CCDC7: variants seen among roughly 807,000 people sequenced by gnomAD.
The protein encoded by CCDC7 is coiled-coil domain-containing protein 7.
Under a neutral mutation model 196.9 loss-of-function variants are expected in CCDC7, and 183 were observed. That is an observed-to-expected ratio of 0.93 (90% CI 0.82 to 1.05). CCDC7 has a LOEUF of 1.05. Among genes scored for constraint, CCDC7 ranks in the 50% least tolerant of loss-of-function variants. The probability of loss-of-function intolerance (pLI) is 0.00; values close to 1 mark genes in which losing one functional copy is unlikely to be tolerated. For synonymous variants in CCDC7, 525 were observed against 484.6 expected, an observed-to-expected ratio of 1.08 and a Z score of -1.10; for missense variants, 1,540 against 1,482.2, an observed-to-expected ratio of 1.04 and a Z score of -0.64.
intron 33 of CCDC7, among the ~76,000 whole-genome samples, chr10:32,844,572 T>C (rs1478117022): frequency 6.6e-6 from 1 of 151,878 alleles, no homozygotes; most frequent in Non-Finnish European, 1.5e-5. Context: ...CCACAGTAGA[T>C]AGTGCTCTTG....
At chr10:32,765,245 G>A (rs35949115) in intron 28 of CCDC7, among the ~76,000 whole-genome samples, 16,015 of 151,766 alleles carry the variant, frequency 0.11, 1,047 homozygotes, top group South Asian at 0.25. Context: ...GGGTTACTAC[G>A]CAACATATAA....
intron 41 of CCDC7, among the ~76,000 whole-genome samples, chr10:32,854,901 T>C (rs2093691998): frequency 6.6e-6 from 1 of 151,494 alleles, no homozygotes; most frequent in Non-Finnish European, 1.5e-5. Context: ...TATATTTATG[T>C]CACAGTGATT....
intron 18 of CCDC7, among the ~76,000 whole-genome samples, chr10:32,598,481 G>A (rs905977784): frequency 4.6e-5 from 7 of 152,104 alleles, no homozygotes; most frequent in African/African-American, 9.7e-5. Context: ...GCCCTGCTCC[G>A]TGGGCTGCAC....
At chr10:32,712,734 T>C (rs1017913785) in intron 25 of CCDC7, among the ~76,000 whole-genome samples, 3 of 152,196 alleles carry the variant, frequency 2.0e-5, no homozygotes, top group Non-Finnish European at 4.4e-5. Flanking sequence ...GCTATGTCAA[T>C]TGGTACATAC....
At chr10:32,754,018 C>T (rs2076038775) in intron 28 of CCDC7, among the ~76,000 whole-genome samples, 1 of 151,388 alleles carries the variant, frequency 6.6e-6, no homozygotes, top group South Asian at 2.1e-4. Context: ...ATGAAATGTT[C>T]AATTAAAGTT....
intron 32 of CCDC7, 62 bp from the exon 34 acceptor site, chr10:32,834,753 G>A (rs1411970709): frequency 1.4e-6 from 1 of 694,646 alleles, no homozygotes; most frequent in East Asian, 2.8e-5. Context: ...CATACACACA[G>A]CACGGACATA....
upstream of CCDC7, among the ~76,000 whole-genome samples, chr10:32,451,241 T>C (rs2032985195): frequency 6.6e-6 from 1 of 152,196 alleles, no homozygotes; most frequent in Admixed American, 6.5e-5. Flanking sequence ...TGACTCTTGG[T>C]TAGTCACTTA....
chr10:32,517,128 A>T (rs1049173585), intron 9 of CCDC7, among the ~76,000 whole-genome samples: 3 of 152,202 alleles, frequency 2.0e-5, no homozygotes, highest in Non-Finnish European at 1.5e-5. Context: ...TAATTGGAAT[A>T]CAGCCATACG....
At chr10:32,653,673 G>GT (rs757062380) in intron 20 of CCDC7, among the ~76,000 whole-genome samples, 1 of 152,038 alleles carries the variant, frequency 6.6e-6, no homozygotes, top group African/African-American at 2.4e-5. Context: ...AATGGGTGAG[G>GT]TTTTTTCAGC....
intron 24 of CCDC7, among the ~76,000 whole-genome samples, chr10:32,698,869 C>T (rs1354049994): frequency 6.6e-6 from 1 of 152,080 alleles, no homozygotes; most frequent in Admixed American, 6.5e-5. Flanking sequence ...CAAAGTTACT[C>T]CTCGAGAAGA....
intron 9 of CCDC7, among the ~76,000 whole-genome samples, chr10:32,517,349 A>G (rs1248138848): frequency 6.6e-6 from 1 of 152,060 alleles, no homozygotes; most frequent in Non-Finnish European, 1.5e-5. Flanking sequence ...TATGTGAAAA[A>G]GAAAACTGAA....
intron 8 of CCDC7, among the ~76,000 whole-genome samples, chr10:32,476,219 C>T (rs553359621): frequency 6.6e-6 from 1 of 152,302 alleles, no homozygotes; most frequent in East Asian, 1.9e-4. Flanking sequence ...TTCACCTCTT[C>T]CTCCATCCAC....
intron 21 of CCDC7, chr10:32,675,871 T>C (rs1464419887): frequency 6.6e-6 from 1 of 151,894 alleles, no homozygotes; most frequent in Non-Finnish European, 1.5e-5. Context: ...CTTCACAGAA[T>C]TGGAAAAAAC....
intron 20 of CCDC7, among the ~76,000 whole-genome samples, chr10:32,659,691 A>T (rs1417247730): frequency 3.3e-5 from 5 of 152,246 alleles, no homozygotes; most frequent in Non-Finnish European, 7.3e-5. Context: ...ACACTTCCAA[A>T]GAAGACATAC....
intron 41 of CCDC7, among the ~76,000 whole-genome samples, chr10:32,874,049 C>G (rs1029892825): frequency 6.6e-6 from 1 of 151,186 alleles, no homozygotes; most frequent in African/African-American, 2.4e-5. Flanking sequence ...AATCCTGTCT[C>G]AAAAAGTAAC....
chr10:32,640,886 T>TTTTTTTTTTTTTTC (rs2066657001), intron 20 of CCDC7, among the ~76,000 whole-genome samples: 1 of 138,624 alleles, frequency 7.2e-6, no homozygotes, highest in Admixed American at 7.5e-5. Context: ...CTTTTTTTTT[T>TTTTTTTTTTTTTTC]TATTATACTC....
intron 18 of CCDC7, among the ~76,000 whole-genome samples, chr10:32,599,242 A>AT (rs775899783): frequency 6.6e-6 from 1 of 151,682 alleles, no homozygotes; most frequent in Non-Finnish European, 1.5e-5. Flanking sequence ...TTTTTTTGTT[A>AT]TTTTTTGTAT....
chr10:32,600,423 T>C (rs927622263), intron 18 of CCDC7, among the ~76,000 whole-genome samples: 3 of 152,208 alleles, frequency 2.0e-5, no homozygotes, highest in Admixed American at 6.5e-5. Context: ...CCTGAGACTT[T>C]ACTGAATTCA....
chr10:32,584,448 C>T (rs988585197), intron 18 of CCDC7, 144 bp downstream of exon 19: 6 of 478,644 alleles, frequency 1.3e-5, no homozygotes, highest in East Asian at 7.1e-5. Flanking sequence ...ACAAATATAA[C>T]GACAATTATA....
Sources: allele counts gnomAD v4.1 joint callset (sites outside exome capture counted in the v4.1 genomes callset), GRCh38; gene constraint gnomAD v4.1.1; transcripts MANE v1.5; gene names NCBI Gene and HGNC (gene_info 2026-07-23, HGNC 2026-07-21).